MAP2K1: variants seen among roughly 807,000 people sequenced by gnomAD.
The protein encoded by MAP2K1 is mitogen-activated protein kinase kinase 1, also known as dual specificity mitogen-activated protein kinase kinase 1.
Under a neutral mutation model 46.3 loss-of-function variants are expected in MAP2K1, and 16 were observed. That is an observed-to-expected ratio of 0.35 (90% CI 0.23 to 0.52). The LOEUF is 0.52. Ranked by LOEUF, MAP2K1 falls within the 20% of genes least tolerant of loss-of-function variation. The pLI, the probability that MAP2K1 is intolerant of heterozygous loss-of-function variation, is 0.94. For missense variants in MAP2K1, 263 were observed against 497.1 expected (o/e 0.53, Z 4.48); for synonymous variants, 183 against 185.6 (o/e 0.99, Z 0.11).
At chr15:66,480,548 C>T (rs766984996) in intron 5 of MAP2K1, among the ~76,000 whole-genome samples, 1 of 151,750 alleles carries the variant, frequency 6.6e-6, no homozygotes, top group Non-Finnish European at 1.5e-5. Flanking sequence ...TCAGCCTGGG[C>T]AATGTAGTGA....
chr15:66,449,632 G>A (rs143544858), intron 5 of MAP2K1, among the ~76,000 whole-genome samples: 128 of 152,314 alleles, frequency 8.4e-4, no homozygotes, highest in African/African-American at 2.9e-3. Context: ...TGTAATCCCA[G>A]CACTTCAGGA....
intron 1 of MAP2K1, among the ~76,000 whole-genome samples, chr15:66,426,404 CAAG>C (rs2093459196): frequency 6.9e-6 from 1 of 145,616 alleles, no homozygotes; most frequent in Non-Finnish European, 1.5e-5. Context: ...TAAGTCGCAA[CAAG>C]AAAATTCAAC....
At chr15:66,388,624 T>C (rs910380044) in intron 1 of MAP2K1, among the ~76,000 whole-genome samples, 2 of 152,136 alleles carry the variant, frequency 1.3e-5, no homozygotes, top group Admixed American at 6.6e-5. Context: ...ACTCTAGCGA[T>C]CCTCCCAAAG....
intron 5 of MAP2K1, chr15:66,453,543 A>G: frequency 2.8e-6 from 2 of 702,376 alleles, no homozygotes. Flanking sequence ...CAAGCAGCAC[A>G]GTGAGTAGGT....
intron 5 of MAP2K1, among the ~76,000 whole-genome samples, chr15:66,453,166 C>A (rs1404441525): frequency 6.6e-6 from 1 of 152,170 alleles, no homozygotes; most frequent in Non-Finnish European, 1.5e-5. Flanking sequence ...AGACCTCTAA[C>A]TTTATTTCCA....
At chr15:66,441,483 CA>C (rs1289295613) in intron 3 of MAP2K1, among the ~76,000 whole-genome samples, 1 of 151,750 alleles carries the variant, frequency 6.6e-6, no homozygotes, top group African/African-American at 2.4e-5. Flanking sequence ...CCAGCCTGGG[CA>C]ACAAAGTGAG....
chr15:66,484,367 C>G (rs562528614), intron 6 of MAP2K1, among the ~76,000 whole-genome samples: 100 of 152,144 alleles, frequency 6.6e-4, no homozygotes, highest in African/African-American at 2.4e-3. Context: ...AGGCTGGTCT[C>G]GAACTCCTGA....
chr15:66,428,936 C>A (rs372960850), intron 1 of MAP2K1, among the ~76,000 whole-genome samples: 5 of 151,878 alleles, frequency 3.3e-5, no homozygotes, highest in Non-Finnish European at 7.4e-5. Context: ...CACGCCACCA[C>A]GCCTGGCTAA....
intron 1 of MAP2K1, among the ~76,000 whole-genome samples, chr15:66,407,045 T>C (rs1390852552): frequency 6.6e-6 from 1 of 151,670 alleles, no homozygotes; most frequent in Non-Finnish European, 1.5e-5. Context: ...CTGGAAGGGG[T>C]CCCCAGGAGC....
intron 1 of MAP2K1, among the ~76,000 whole-genome samples, chr15:66,424,170 GTC>G (rs1343148205): frequency 6.6e-6 from 1 of 151,806 alleles, no homozygotes; most frequent in Non-Finnish European, 1.5e-5. Context: ...TGACTCTCCT[GTC>G]TCAGCCTCCT....
intron 1 of MAP2K1, among the ~76,000 whole-genome samples, chr15:66,394,914 T>C (rs1378986052): frequency 1.3e-5 from 2 of 152,250 alleles, no homozygotes; most frequent in African/African-American, 4.8e-5. Context: ...GAAGAACATC[T>C]CTGCCGCTGT....
chr15:66,481,714 C>T (rs1892918963), intron 5 of MAP2K1, 41 bp from the exon 6 acceptor site: 6 of 1,606,698 alleles, frequency 3.7e-6, no homozygotes, highest in Non-Finnish European at 5.1e-6. Flanking sequence ...CCCAATCTAC[C>T]TGTGTCAGTT....
At position 66,444,685 on chromosome 15, in the gene MAP2K1, G is replaced by A. The variant is rs1567012356; in HGVS notation, c.546G>A (p.Glu182=). The part of the protein sequence containing the change: ...AVIKGLTYLR[E]KHKIMHRDVK... ...TAAAAGGCCTGACATATCTGAGGGA[G>A]AAGCACAAGATCATGCACAGAGGTA... Residue 182 remains glutamate, a synonymous_variant, in exon 5 of 11, where the codon GAG becomes GAA. Transcript: ENST00000307102. 1.2e-5 allele frequency: 19 copies of A among 1,612,962 alleles called. No homozygotes were observed. The highest frequency in any genetic ancestry group is 1.5e-5 in the Non-Finnish European group (18 of 1,178,940).
intron 1 of MAP2K1, chr15:66,415,102 C>A: frequency 1.9e-6 from 1 of 517,334 alleles, no homozygotes. Context: ...TCCGGTAGTG[C>A]CACTATTGCT....
intron 7 of MAP2K1, among the ~76,000 whole-genome samples, chr15:66,486,868 G>A (rs1225150369): frequency 6.6e-6 from 1 of 152,140 alleles, no homozygotes; most frequent in Non-Finnish European, 1.5e-5. Flanking sequence ...GCAACTTCAT[G>A]GAGAATTAAA....
chr15:66,483,748 C>CTTTTTT (rs750947705), intron 6 of MAP2K1, among the ~76,000 whole-genome samples: 26 of 131,100 alleles, frequency 2.0e-4, no homozygotes, highest in Admixed American at 4.9e-4. Flanking sequence ...CATACATTTT[C>CTTTTTT]TTTTTTTTTT....
intron 8 of MAP2K1, among the ~76,000 whole-genome samples, chr15:66,487,659 T>G (rs1381131153): frequency 1.3e-5 from 2 of 152,174 alleles, no homozygotes; most frequent in Non-Finnish European, 2.9e-5. Flanking sequence ...GAGTTTAATT[T>G]AACCTCTCTT....
At chr15:66,409,812 A>G (rs2093406930) in intron 1 of MAP2K1, among the ~76,000 whole-genome samples, 1 of 152,176 alleles carries the variant, frequency 6.6e-6, no homozygotes, top group African/African-American at 2.4e-5. Context: ...TGCTGTGCTA[A>G]GCAGGCTATT....
chr15:66,463,078 A>T (rs1347870358), intron 5 of MAP2K1, among the ~76,000 whole-genome samples: 1 of 152,172 alleles, frequency 6.6e-6, no homozygotes, highest in Non-Finnish European at 1.5e-5. Flanking sequence ...CCCTCTTAGC[A>T]CAATTCCCAA....
Sources: gnomAD v4.1 joint callset for allele counts (sites outside exome capture counted in the v4.1 genomes callset) on GRCh38, gnomAD v4.1.1 for gene constraint, MANE v1.5 for transcripts, NCBI Gene and HGNC (gene_info 2026-07-23, HGNC 2026-07-21) for gene names.